SFRP1: variants seen among roughly 807,000 people sequenced by gnomAD.
SFRP1 encodes the protein secreted frizzled related protein 1, also known as secreted frizzled-related protein 1.
Under a neutral mutation model 25.9 loss-of-function variants are expected in SFRP1, and 9 were observed. That is an observed-to-expected ratio of 0.35 (90% CI 0.21 to 0.61). The LOEUF is 0.61. Among genes scored for constraint, SFRP1 ranks in the 20% least tolerant of loss-of-function variants. The pLI is 0.78. For missense variants in SFRP1, 346 were observed against 418.2 expected, an observed-to-expected ratio of 0.83 and a Z score of 1.51; for synonymous variants, 178 against 174.0, an observed-to-expected ratio of 1.02 and a Z score of -0.18.
intron 2 of SFRP1, among the ~76,000 whole-genome samples, chr8:41,286,816 T>G (rs77800022): frequency 6.6e-6 from 1 of 152,166 alleles, no homozygotes; most frequent in African/African-American, 2.4e-5. Context: ...CTCCACCTTC[T>G]TCAGAAAGAT....
At chr8:41,283,515 G>C (rs941855100) in intron 2 of SFRP1, among the ~76,000 whole-genome samples, 1 of 150,310 alleles carries the variant, frequency 6.7e-6, no homozygotes, top group African/African-American at 2.4e-5. Context: ...GGCTGAACTT[G>C]TAAAAATCAT....
chr8:41,303,004 G>A (rs551575483), intron 2 of SFRP1, among the ~76,000 whole-genome samples: 5 of 146,686 alleles, frequency 3.4e-5, no homozygotes, highest in Non-Finnish European at 4.4e-5. Context: ...CCAGAGGGCA[G>A]CCATTTAAAT....
At chr8:41,303,565 A>G (rs1563367801) in intron 1 of SFRP1, 27 bp from the exon 2 acceptor site, 1 of 1,586,744 alleles carries the variant, frequency 6.3e-7, no homozygotes. Context: ...GGAGAAACGG[A>G]ACTGTAAGTT....
intron 1 of SFRP1, among the ~76,000 whole-genome samples, chr8:41,304,376 G>A (rs926194331): frequency 2.0e-5 from 3 of 152,188 alleles, no homozygotes; most frequent in Non-Finnish European, 2.9e-5. Flanking sequence ...GGGAGAGCAG[G>A]ACGGCGCTTT....
At chr8:41,298,562 A>G (rs1259521645) in intron 2 of SFRP1, among the ~76,000 whole-genome samples, 1 of 152,108 alleles carries the variant, frequency 6.6e-6, no homozygotes, top group Non-Finnish European at 1.5e-5. Flanking sequence ...GCATGACACC[A>G]TGCCCAGTTA....
chr8:41,277,392 C>T (rs1384406705), intron 2 of SFRP1, among the ~76,000 whole-genome samples: 3 of 152,260 alleles, frequency 2.0e-5, no homozygotes, highest in Non-Finnish European at 2.9e-5. Context: ...CTCCAATCTA[C>T]TTCCTGGTGT....
chr8:41,309,373 C>A lies in SFRP1; in HGVS notation c.-214G>T. ...CGGCGCGGGCGGGGAGGCGGCGCTG[C>A]GGGCTGGGTGCGCCCCGGCTCCCGG... On this transcript the variant is annotated 5_prime_UTR_variant, in exon 1 of 3. Coordinates refer to ENST00000220772, the MANE Select transcript of SFRP1 (RefSeq NM_003012.5). 1 of 314,756 alleles carries A rather than the reference C, an allele frequency of 3.2e-6. No individual in the cohort carries two copies. The highest frequency in any genetic ancestry group is 5.0e-6 in the Non-Finnish European group (1 of 198,020). 19.5% of individuals were successfully genotyped at this position (314,756 alleles called of 1,614,324 possible). A position where few individuals can be genotyped will look rare whatever the true frequency, so the allele number is the denominator to read the frequency against.
intron 2 of SFRP1, among the ~76,000 whole-genome samples, chr8:41,294,854 C>T (rs899086934): frequency 2.0e-5 from 3 of 151,998 alleles, no homozygotes; most frequent in African/African-American, 7.3e-5. Context: ...CTCAGGAGTC[C>T]CCAGTTCCTG....
At chr8:41,304,121 A>G (rs1242857406) in intron 1 of SFRP1, among the ~76,000 whole-genome samples, 1 of 152,064 alleles carries the variant, frequency 6.6e-6, no homozygotes, top group Non-Finnish European at 1.5e-5. Flanking sequence ...GTGGGGCACT[A>G]ACAGGCGCTG....
At chr8:41,280,257 C>A (rs2117492573) in intron 2 of SFRP1, among the ~76,000 whole-genome samples, 1 of 152,360 alleles carries the variant, frequency 6.6e-6, no homozygotes, top group Admixed American at 6.5e-5. Context: ...AGTGAGATGA[C>A]AATGTACACC....
At position 41,265,213 on chromosome 8, in the gene SFRP1, T is replaced by C. The variant is rs539940272; in HGVS notation, c.899A>G (p.Lys300Arg). ...GGTGGGGCACTCATGGTTTTTCATT[T>C]TCTTCATGAAGTTTTTGAACTCCTT... Reference protein sequence around the residue: ...KNKEFKNFMKKMKNHECPTFQ... With the variant: ...KNKEFKNFMKRMKNHECPTFQ... Residue 300 changes from lysine (K) to arginine (R), a missense_variant, in exon 3 of 3, where the codon AAA becomes AGA. Physicochemically the swap from Lys to Arg is conservative, Grantham distance 26. Transcript: ENST00000220772. The C allele has an allele frequency of 1.2e-6, 2 of 1,613,794 alleles. No individual in the cohort carries two copies. The highest frequency in any genetic ancestry group is 1.7e-6 in the Non-Finnish European group (2 of 1,179,910).
rs1319631327 is a variant in SFRP1, at chr8:41,309,066, T to G, written c.94A>C (p.Ser32Arg). Residue 32 changes from serine to arginine, a missense_variant, in exon 1 of 3, where the codon AGC (serine) becomes CGC (arginine). Physicochemically the swap from Ser to Arg is moderately radical, Grantham distance 110 (BLOSUM62 -1). Coordinates refer to ENST00000220772, the MANE Select transcript of SFRP1 (RefSeq NM_003012.5). ...TGGAAGCTCACGTAGTCGTACTCGC[T>G]GGCCGAGCCCACGGCCAGAAGCGCC... ...GAALLAVGSA[S>R]EYDYVSFQSD... 6.2e-7 allele frequency: 1 copy of G among 1,601,118 alleles called. No homozygotes were observed. Among genetic ancestry groups the G allele is most frequent in the Non-Finnish European group, 8.5e-7 (1 of 1,179,132 alleles).
intron 2 of SFRP1, among the ~76,000 whole-genome samples, chr8:41,283,889 T>C (rs1238739996): frequency 6.6e-6 from 1 of 152,146 alleles, no homozygotes; most frequent in Non-Finnish European, 1.5e-5. Flanking sequence ...CTTGTATCTA[T>C]TGATGAGTTG....
chr8:41,289,550 A>G (rs550194583), intron 2 of SFRP1, among the ~76,000 whole-genome samples: 1 of 152,160 alleles, frequency 6.6e-6, no homozygotes, highest in Non-Finnish European at 1.5e-5. Flanking sequence ...ACGCCTGTAC[A>G]GCTCCTAAGG....
chr8:41,281,844 C>T (rs568291583), intron 2 of SFRP1, among the ~76,000 whole-genome samples: 70 of 152,338 alleles, frequency 4.6e-4, no homozygotes, highest in African/African-American at 1.6e-3. Context: ...TTGCTGACCA[C>T]TCTCTGGTGT....
At position 41,264,992 on chromosome 8, in the gene SFRP1, G is replaced by A. The variant is rs2117474751; in HGVS notation, c.*175C>T. 2 of 593,484 alleles carry A rather than the reference G, an allele frequency of 3.4e-6. No homozygotes were observed. The highest frequency in any genetic ancestry group is 4.4e-5 in the South Asian group (2 of 45,612). 36.8% of individuals were successfully genotyped at this position (593,484 alleles called of 1,614,324 possible). On this transcript the variant is annotated 3_prime_UTR_variant, in exon 3 of 3. Transcript: ENST00000220772. ...CCCGGCCATGGCTACCCTGGGGTTT[G>A]GAGCGTGGCTATGGAGGGAAGGGAG...
chr8:41,268,082 T>A (rs148626818), intron 2 of SFRP1, among the ~76,000 whole-genome samples: 1 of 152,344 alleles, frequency 6.6e-6, no homozygotes, highest in East Asian at 1.9e-4. Context: ...TAATGCATAC[T>A]CCAGCTGACA....
intron 2 of SFRP1, among the ~76,000 whole-genome samples, chr8:41,271,897 T>A (rs189130286): frequency 6.6e-6 from 1 of 151,962 alleles, no homozygotes; most frequent in Non-Finnish European, 1.5e-5. Flanking sequence ...CTGGGGAGAT[T>A]GAGGCTGCAG....
rs551614653 is a variant in SFRP1 at position 41,306,930 on chromosome 8, T to C, written c.544+1686A>G. Reference sequence around the variant, plus strand: ...AGGCAACCCGTCCAATCCCCCCATGTTCCCTGTGGACTGCAGCACCTTTTC... The same window carrying C: ...AGGCAACCCGTCCAATCCCCCCATGCTCCCTGTGGACTGCAGCACCTTTTC... On this transcript the variant is annotated intron_variant, in intron 1 of 2. Coordinates refer to ENST00000220772, the MANE Select transcript of SFRP1 (RefSeq NM_003012.5). The C allele has an allele frequency of 3.4e-5, 53 of 1,553,868 alleles. No homozygotes were observed. The African/African-American group carries it at 5.9e-4, about 17-fold the overall frequency.
Sources: gnomAD v4.1 joint callset for allele counts (sites outside exome capture counted in the v4.1 genomes callset) on GRCh38, gnomAD v4.1.1 for gene constraint, MANE v1.5 for transcripts, NCBI Gene and HGNC (gene_info 2026-07-23, HGNC 2026-07-21) for gene names.